KCND2: variants seen among roughly 807,000 people sequenced by gnomAD.
KCND2 encodes the protein A-type voltage-gated potassium channel KCND2.
In KCND2, 16 loss-of-function variants were observed where a neutral mutation model predicts 54.4. That is an observed-to-expected ratio of 0.29 (90% CI 0.20 to 0.45). The LOEUF (loss-of-function observed/expected upper bound fraction) is 0.45, where lower values mean the gene tolerates loss of function less well. KCND2 is among the 20% of genes least tolerant of loss of function. The probability of loss-of-function intolerance (pLI) is 1.00; values close to 1 mark genes in which losing one functional copy is unlikely to be tolerated. For synonymous variants in KCND2, 317 were observed against 310.7 expected (o/e 1.02, Z -0.21); for missense variants, 486 against 824.2 (o/e 0.59, Z 5.02).
intron 1 of KCND2, among the ~76,000 whole-genome samples, chr7:120,354,947 A>C (rs1307035961): frequency 6.6e-6 from 1 of 152,204 alleles, no homozygotes; most frequent in Non-Finnish European, 1.5e-5. Flanking sequence ...GTAACATTAA[A>C]ACACTTTTAG....
rs78918414 is a variant in KCND2 at position 120,718,842 on chromosome 7, C to T, written c.1116-14061C>T. On this transcript the variant is annotated intron_variant, in intron 1 of 5. Transcript: ENST00000331113. ...GTTGTTTTCAGGAGGAGTTAGATCC[C>T]ATAGAGCAGGGAATGTAAACAATAA... is the stretch of plus-strand genomic sequence containing the variant. Among the ~76,000 whole-genome samples the T allele has an allele frequency of 2.0e-5, 3 of 152,194 alleles. No homozygotes were observed. In the East Asian group the frequency reaches 5.8e-4, roughly 29 times the overall value.
At chr7:120,386,096 A>C (rs1211190787) in intron 1 of KCND2, among the ~76,000 whole-genome samples, 1 of 152,058 alleles carries the variant, frequency 6.6e-6, no homozygotes. Context: ...CAGCCATTGA[A>C]ATGCAGGTTT....
intron 1 of KCND2, among the ~76,000 whole-genome samples, chr7:120,618,559 A>G (rs919154781): frequency 2.6e-5 from 4 of 151,002 alleles, no homozygotes; most frequent in Admixed American, 6.6e-5. Context: ...TTTTTTTTTT[A>G]AAGACAGCCA....
intron 1 of KCND2, among the ~76,000 whole-genome samples, chr7:120,383,586 G>C (rs943142876): frequency 6.6e-6 from 1 of 151,966 alleles, no homozygotes; most frequent in Admixed American, 6.6e-5. Context: ...ATGAGCAAGA[G>C]GTCTTAACTT....
intron 1 of KCND2, among the ~76,000 whole-genome samples, chr7:120,540,628 C>A (rs1242055928): frequency 6.6e-6 from 1 of 152,190 alleles, no homozygotes; most frequent in African/African-American, 2.4e-5. Context: ...ATTTCCCAAA[C>A]TTCTTAAACA....
intron 4 of KCND2, among the ~76,000 whole-genome samples, chr7:120,743,436 A>G (rs1448837431): frequency 6.6e-6 from 1 of 152,194 alleles, no homozygotes; most frequent in Non-Finnish European, 1.5e-5. Flanking sequence ...AAGAAACGCC[A>G]TGAAATGAGG....
intron 1 of KCND2, among the ~76,000 whole-genome samples, chr7:120,400,543 C>T (rs139912584): frequency 1.1e-3 from 166 of 151,976 alleles, no homozygotes; most frequent in Non-Finnish European, 1.8e-3. Context: ...ATGACTGGCT[C>T]CTAGAAAGCA....
At chr7:120,348,868 C>T (rs1350213808) in intron 1 of KCND2, among the ~76,000 whole-genome samples, 1 of 151,730 alleles carries the variant, frequency 6.6e-6, no homozygotes, top group African/African-American at 2.4e-5. Flanking sequence ...TTATAATGTC[C>T]TTAGTAGGTA....
At position 120,396,813 on chromosome 7, in the gene KCND2, G is replaced by A. The variant is rs375760696; in HGVS notation, c.1115+121066G>A. 3.8e-3 allele frequency among the ~76,000 whole-genome samples: 582 copies of A among 152,054 alleles called. 1 individual carries two copies. Among genetic ancestry groups the A allele is most frequent in the Non-Finnish European group, 5.9e-3 (400 of 67,948 alleles). ...TTGCCTTACATACCACAGACATTAT[G>A]GCCATATATTTCCACAGAACAGACA... On this transcript the variant is annotated intron_variant, in intron 1 of 5. Transcript: ENST00000331113.
At chr7:120,587,355 C>T (rs1272814495) in intron 1 of KCND2, among the ~76,000 whole-genome samples, 1 of 152,146 alleles carries the variant, frequency 6.6e-6, no homozygotes, top group Non-Finnish European at 1.5e-5. Context: ...CCATTTACAA[C>T]CTTGCCAAGT....
At chr7:120,548,416 G>A (rs1204633668) in intron 1 of KCND2, among the ~76,000 whole-genome samples, 2 of 152,032 alleles carry the variant, frequency 1.3e-5, no homozygotes, top group East Asian at 1.9e-4. Flanking sequence ...AGTTTAAATG[G>A]CATTGTCAAT....
chr7:120,598,451 A>C (rs6978175), intron 1 of KCND2, among the ~76,000 whole-genome samples: 105,018 of 151,674 alleles, frequency 0.69, 38,760 homozygotes, highest in Middle Eastern at 0.88. Flanking sequence ...ATTTCATTTA[A>C]TAAACTGCCA....
intron 1 of KCND2, among the ~76,000 whole-genome samples, chr7:120,584,832 AT>A (rs1485106115): frequency 6.6e-6 from 1 of 152,280 alleles, no homozygotes; most frequent in Non-Finnish European, 1.5e-5. Context: ...ATCATAAAAT[AT>A]GCAATTGTAT....
intron 1 of KCND2, among the ~76,000 whole-genome samples, chr7:120,328,785 A>G (rs1800019815): frequency 6.6e-6 from 1 of 152,158 alleles, no homozygotes; most frequent in Non-Finnish European, 1.5e-5. Context: ...TTAAATGTAC[A>G]TTAGAAATTG....
intron 1 of KCND2, among the ~76,000 whole-genome samples, chr7:120,553,102 A>C (rs910510845): frequency 6.6e-6 from 1 of 152,192 alleles, no homozygotes; most frequent in African/African-American, 2.4e-5. Context: ...ATTATCATTA[A>C]CATGTTCCTC....
At chr7:120,497,583 C>T (rs1392698759) in intron 1 of KCND2, among the ~76,000 whole-genome samples, 1 of 152,154 alleles carries the variant, frequency 6.6e-6, no homozygotes. Flanking sequence ...ATGTACCTTC[C>T]AGCCATCCAC....
Position 120,749,335 on chromosome 7 carries a change from A to G in KCND2, c.*1477A>G, listed in dbSNP as rs999543269. ...GGAGAACAGGAGTTTGATGATGCAA[A>G]GTTGATCTCTGTACATTTAAGTGAA... On this transcript the variant is annotated 3_prime_UTR_variant, in exon 6 of 6. Coordinates refer to ENST00000331113, the MANE Select transcript of KCND2 (RefSeq NM_012281.3). 2.0e-5 allele frequency: 3 copies of G among 152,294 alleles called. No individual in the cohort carries two copies. Among genetic ancestry groups the G allele is most frequent in the East Asian group, 3.9e-4 (2 of 5,188 alleles). 9.4% of individuals were successfully genotyped at this position (152,294 alleles called of 1,614,324 possible).
intron 1 of KCND2, among the ~76,000 whole-genome samples, chr7:120,416,362 T>C (rs1437131679): frequency 1.6e-4 from 25 of 152,092 alleles, no homozygotes; most frequent in Non-Finnish European, 1.5e-5. Flanking sequence ...CACACATAGC[T>C]CCATTGCCAC....
chr7:120,519,041 G>T (rs1232922213), intron 1 of KCND2, among the ~76,000 whole-genome samples: 1 of 152,034 alleles, frequency 6.6e-6, no homozygotes, highest in East Asian at 1.9e-4. Flanking sequence ...AGAATATGGT[G>T]GCCTTGGCAG....
Sources: allele counts gnomAD v4.1 joint callset (sites outside exome capture counted in the v4.1 genomes callset), GRCh38; gene constraint gnomAD v4.1.1; transcripts MANE v1.5; gene names NCBI Gene and HGNC (gene_info 2026-07-23, HGNC 2026-07-21).